The following ZNF710 variants were observed in gnomAD, a reference collection of about 807,000 sequenced individuals.
ZNF710 encodes zinc finger protein 710.
ZNF710 carries 13 observed loss-of-function variants against 50.6 expected under a neutral mutation model. The ratio of observed to expected loss-of-function variants is 0.26; its 90% CI spans 0.17 to 0.41. The LOEUF (loss-of-function observed/expected upper bound fraction) is 0.41, where lower values mean the gene tolerates loss of function less well. Ranked by LOEUF, ZNF710 falls within the 10% of genes least tolerant of loss-of-function variation. The probability of loss-of-function intolerance (pLI) is 1.00; values close to 1 mark genes in which losing one functional copy is unlikely to be tolerated. For missense variants in ZNF710, 721 were observed against 936.6 expected, an observed-to-expected ratio of 0.77 and a Z score of 3.01; for synonymous variants, 383 against 397.0, an observed-to-expected ratio of 0.96 and a Z score of 0.42.
chr15:90,020,901 T>C (rs905527957), intron 1 of ZNF710, among the ~76,000 whole-genome samples: 1 of 152,204 alleles, frequency 6.6e-6, no homozygotes, highest in Admixed American at 6.5e-5. Context: ...CTTTGCTTCT[T>C]TAATCAATTA....
chr15:90,050,471 G>A (rs1276976552), intron 1 of ZNF710, among the ~76,000 whole-genome samples: 3 of 152,166 alleles, frequency 2.0e-5, no homozygotes, highest in Admixed American at 2.0e-4. Context: ...TGGGGGAAGG[G>A]GTCTTCCTAA....
chr15:90,029,817 G>A (rs1224759873), intron 1 of ZNF710, among the ~76,000 whole-genome samples: 6 of 151,730 alleles, frequency 4.0e-5, no homozygotes, highest in African/African-American at 1.4e-4. Context: ...GTTTCACCAT[G>A]TTGGCCAGGC....
intron 1 of ZNF710, among the ~76,000 whole-genome samples, chr15:90,022,211 A>G (rs946821817): frequency 6.6e-6 from 1 of 151,518 alleles, no homozygotes; most frequent in Non-Finnish European, 1.5e-5. Flanking sequence ...CCCCATCTCT[A>G]CTAAAAATAC....
At chr15:90,015,429 T>C (rs570193478) in intron 1 of ZNF710, among the ~76,000 whole-genome samples, 1 of 152,342 alleles carries the variant, frequency 6.6e-6, no homozygotes, top group Admixed American at 6.5e-5. Context: ...AATTTCTCTT[T>C]TGGAAATTTC....
At chr15:90,025,209 G>A (rs998579424) in intron 1 of ZNF710, 1 of 151,964 alleles carries the variant, frequency 6.6e-6, no homozygotes, top group African/African-American at 2.4e-5. Context: ...TCCCTCACAG[G>A]GCCACCGTCT....
intron 1 of ZNF710, among the ~76,000 whole-genome samples, chr15:90,039,401 A>G (rs1464871582): frequency 6.6e-6 from 1 of 152,134 alleles, no homozygotes; most frequent in East Asian, 1.9e-4. Flanking sequence ...GCCCAGGTCC[A>G]CTATCTTAGG....
At chr15:90,021,016 C>A (rs566256270) in intron 1 of ZNF710, among the ~76,000 whole-genome samples, 1 of 106,138 alleles carries the variant, frequency 9.4e-6, no homozygotes, top group East Asian at 2.0e-4. Flanking sequence ...GGCACCCCCC[C>A]CCCCTTAGCA....
chr15:90,015,769 C>T (rs1239890932), intron 1 of ZNF710, among the ~76,000 whole-genome samples: 1 of 152,012 alleles, frequency 6.6e-6, no homozygotes, highest in Non-Finnish European at 1.5e-5. Flanking sequence ...AGAAAACCCA[C>T]CCAGCTAATT....
At chr15:90,022,445 T>A (rs1009298250) in intron 1 of ZNF710, among the ~76,000 whole-genome samples, 2 of 152,082 alleles carry the variant, frequency 1.3e-5, no homozygotes, top group East Asian at 3.9e-4. Flanking sequence ...GGGACACACT[T>A]GAGGAGTCCG....
chr15:90,016,877 G>A (rs1356245937), intron 1 of ZNF710, among the ~76,000 whole-genome samples: 1 of 152,244 alleles, frequency 6.6e-6, no homozygotes, highest in Admixed American at 6.5e-5. Context: ...GGCAGTAGGT[G>A]GTAAAGGCAA....
At position 90,075,681 on chromosome 15, in the gene ZNF710, C is replaced by T. The variant is rs937609754; in HGVS notation, c.1825+1391C>T. 3.3e-5 allele frequency: 5 copies of T among 152,336 alleles called. No individual in the cohort carries two copies. In the South Asian group the frequency reaches 8.3e-4, roughly 25 times the overall value. The allele number at this position is 152,336 out of a possible 1,614,324, so 9.4% of individuals were successfully genotyped here. ...CAGTAGCTTAACTCTGGTTTTGGAA[C>T]AGCTGACCAGTGAATGGCCTGGGTT... is the stretch of plus-strand genomic sequence containing the variant. On this transcript the variant is annotated intron_variant, in intron 4 of 4. Transcript: ENST00000268154.
chr15:90,035,918 C>T (rs960701940), intron 1 of ZNF710, among the ~76,000 whole-genome samples: 4 of 152,244 alleles, frequency 2.6e-5, no homozygotes, highest in African/African-American at 9.6e-5. Flanking sequence ...GGGCCCCAGG[C>T]AGTGGCACCA....
intron 1 of ZNF710, among the ~76,000 whole-genome samples, chr15:90,029,815 A>G (rs1898880397): frequency 6.6e-6 from 1 of 151,460 alleles, no homozygotes; most frequent in African/African-American, 2.4e-5. Context: ...GGGTTTCACC[A>G]TGTTGGCCAG....
chr15:90,043,454 C>T (rs973790339), intron 1 of ZNF710, among the ~76,000 whole-genome samples: 2 of 152,260 alleles, frequency 1.3e-5, no homozygotes, highest in Non-Finnish European at 2.9e-5. Context: ...TGGCTGCCGG[C>T]CTGTGGCGCC....
chr15:89,998,631 C>A (rs112798959), upstream of ZNF710, among the ~76,000 whole-genome samples: 2 of 152,144 alleles, frequency 1.3e-5, no homozygotes, highest in African/African-American at 4.8e-5. Flanking sequence ...CCAGTCACTC[C>A]CTGATTTGTA....
rs10685083 is a variant in ZNF710 at position 90,030,329 on chromosome 15, C to CAAAAAAAAAAAA, written c.-29+28728_-29+28739dup. ...GGGCAACAAGAGCAAAACTCCATCT[C>CAAAAAAAAAAAA]AAAAAAAAAAAAAAAAAAAAAAAAG... On this transcript the variant is annotated intron_variant, in intron 1 of 4. Coordinates refer to ENST00000268154, the MANE Select transcript of ZNF710 (RefSeq NM_198526.4). Among the ~76,000 whole-genome samples the CAAAAAAAAAAAA allele has an allele frequency of 6.3e-4, 32 of 50,492 alleles. 1 individual carries two copies. The highest frequency in any genetic ancestry group is 8.7e-4 in the Admixed American group (3 of 3,432). The allele number at this position is 50,492 out of a possible 152,430, so 33.1% of individuals were successfully genotyped here.
At position 90,073,061 on chromosome 15, in the gene ZNF710, C is replaced by CA. The variant is rs769134498; in HGVS notation, c.1459-9dup. 1.9e-6 allele frequency: 3 copies of CA among 1,610,656 alleles called. No individual in the cohort carries two copies. Among genetic ancestry groups the CA allele is most frequent in the Non-Finnish European group, 2.5e-6 (3 of 1,177,726 alleles). ...TTGTGTGGCCCTGACCATCACCCCCCACCCCACAGGGCGTGAAGGAGTTCA... is the reference window on the plus strand; with the variant it reads ...TTGTGTGGCCCTGACCATCACCCCCCAACCCCACAGGGCGTGAAGGAGTTCA... On this transcript the variant is annotated splice_polypyrimidine_tract_variant and intron_variant, in intron 2 of 4. Transcript: ENST00000268154.
chr15:90,065,034 A>G (rs1439703709), intron 1 of ZNF710, among the ~76,000 whole-genome samples: 1 of 152,130 alleles, frequency 6.6e-6, no homozygotes, highest in African/African-American at 2.4e-5. Context: ...GTGGTTTGGA[A>G]GCACGTTTAG....
chr15:90,019,907 A>G (rs1183438018), intron 1 of ZNF710, among the ~76,000 whole-genome samples: 5 of 152,170 alleles, frequency 3.3e-5, no homozygotes, highest in Admixed American at 2.6e-4. Context: ...GAATGCTCCT[A>G]AACAAACATC....
Sources: gnomAD v4.1 joint callset for allele counts (sites outside exome capture counted in the v4.1 genomes callset) on GRCh38, gnomAD v4.1.1 for gene constraint, MANE v1.5 for transcripts, NCBI Gene and HGNC (gene_info 2026-07-23, HGNC 2026-07-21) for gene names.